TBX5: variants seen among roughly 807,000 people sequenced by gnomAD.
TBX5 encodes the protein T-box transcription factor TBX5.
TBX5 carries 8 observed loss-of-function variants against 51.1 expected under a neutral mutation model. That is an observed-to-expected ratio of 0.16 (90% CI 0.09 to 0.28). The LOEUF is 0.28. TBX5 is among the 10% of genes least tolerant of loss of function. The pLI is 1.00. For missense variants in TBX5, 589 were observed against 671.7 expected, an observed-to-expected ratio of 0.88 and a Z score of 1.36; for synonymous variants, 302 against 266.4, an observed-to-expected ratio of 1.13 and a Z score of -1.30.
intron 7 of TBX5, among the ~76,000 whole-genome samples, chr12:114,383,156 A>T (rs1870606085): frequency 6.6e-6 from 1 of 152,072 alleles, no homozygotes; most frequent in South Asian, 2.1e-4. Context: ...CCTGGAGGGC[A>T]ACTGGTAAAG....
chr12:114,393,027 C>T lies in TBX5; in HGVS notation c.663+1714G>A, dbSNP rs1405531782. 3.9e-5 allele frequency among the ~76,000 whole-genome samples: 6 copies of T among 152,168 alleles called. No individual in the cohort carries two copies. In the East Asian group the frequency reaches 1.2e-3, roughly 29 times the overall value. On this transcript the variant is annotated intron_variant, in intron 6 of 8. Transcript: ENST00000405440. Reference sequence around the variant, plus strand: ...GTGGCCTGGAAAGGACTGTCTATCACAGCTTGGCCTGTTCACAGACAATCT... The same window carrying T: ...GTGGCCTGGAAAGGACTGTCTATCATAGCTTGGCCTGTTCACAGACAATCT...
At position 114,370,269 on chromosome 12, in the gene TBX5, A is replaced by C. The variant is rs372201176; in HGVS notation, c.756-3878T>G. On this transcript the variant is annotated intron_variant, in intron 7 of 8. Coordinates refer to ENST00000405440, the MANE Select transcript of TBX5 (RefSeq NM_181486.4). Reference sequence around the variant, plus strand: ...AAAAGAAAAGAAAAGAAAAGAAAAGAAAAGAAAAGAAAAGAAAAGAAAGAA... The same window carrying C: ...AAAAGAAAAGAAAAGAAAAGAAAAGCAAAGAAAAGAAAAGAAAAGAAAGAA... 4.7e-3 allele frequency among the ~76,000 whole-genome samples: 333 copies of C among 70,288 alleles called. 4 individuals carry two copies. The highest frequency in any genetic ancestry group is 0.016 in the East Asian group (19 of 1,222). The allele number at this position is 70,288 out of a possible 152,430, so 46.1% of individuals were successfully genotyped here. A position where few individuals can be genotyped will look rare whatever the true frequency, so the allele number is the denominator to read the frequency against.
At position 114,406,119 on chromosome 12, in the gene TBX5, G is replaced by C. The variant is rs1872203979; in HGVS notation, c.-530C>G. On this transcript the variant is annotated 5_prime_UTR_variant, in exon 1 of 9. Transcript: ENST00000405440. ...AACTCAGCTGAGCACAGTGACGTTG[G>C]GTTGCCTCGATGCTCACAAAGTACT... 1 of 819,670 alleles carries C rather than the reference G, an allele frequency of 1.2e-6. No homozygotes were observed. The highest frequency in any genetic ancestry group is 1.3e-4 in the East Asian group (1 of 7,984). 50.8% of individuals were successfully genotyped at this position (819,670 alleles called of 1,614,324 possible). A position where few individuals can be genotyped will look rare whatever the true frequency, so the allele number is the denominator to read the frequency against.
intron 8 of TBX5, 123 bp downstream of exon 8, chr12:114,366,042 G>T: frequency 3.6e-6 from 4 of 1,106,138 alleles, no homozygotes; most frequent in Non-Finnish European, 5.5e-6. Context: ...ATATATTTTT[G>T]TGTTGTTTAC....
rs750350579 is a variant in TBX5 at position 114,356,105 on chromosome 12, C to T, written c.984G>A (p.Glu328=). The T allele has an allele frequency of 2.5e-6, 4 of 1,609,670 alleles. No homozygotes were observed. In the South Asian group the frequency reaches 3.3e-5, roughly 13 times the overall value. Residue 328 remains glutamate, a splice_region_variant and synonymous_variant, in exon 9 of 9, where the codon GAG becomes GAA. Coordinates refer to ENST00000405440, the MANE Select transcript of TBX5 (RefSeq NM_181486.4). ...SQIYHCTKRK[E]EECSTTDHPY... is the part of the protein sequence containing the mutation. Reference sequence around the variant, plus strand: ...GATGGTCTGTGGTGGAACATTCTTCCTCTGTGAAGACAGGAGAGACAGCAG... The same window carrying T: ...GATGGTCTGTGGTGGAACATTCTTCTTCTGTGAAGACAGGAGAGACAGCAG...
At position 114,398,667 on chromosome 12, in the gene TBX5, G is replaced by A; in HGVS notation, c.416C>T (p.Pro139Leu). ...PAMPGRLYVH[P>L]DSPATGAHWM... ...ATGCGCCCCGGTGGCGGGGGAGTCT[G>A]GGTGCACGTACAGGCGGCCAGGCAT... The change falls in exon 5 of 9, where the codon CCA becomes CTA. Residue 139 changes from proline to leucine, a missense_variant. Coordinates refer to ENST00000405440, the MANE Select transcript of TBX5 (RefSeq NM_181486.4). 1 of 1,613,064 alleles carries A rather than the reference G, an allele frequency of 6.2e-7. No homozygotes were observed. Among genetic ancestry groups the A allele is most frequent in the Non-Finnish European group, 8.5e-7 (1 of 1,179,652 alleles).
chr12:114,386,030 A>T (rs1457229735), intron 6 of TBX5, among the ~76,000 whole-genome samples: 1 of 152,178 alleles, frequency 6.6e-6, no homozygotes, highest in African/African-American at 2.4e-5. Context: ...TGATTATTGC[A>T]TTCAAAAATT....
At chr12:114,401,267 T>G (rs1871795287) in intron 3 of TBX5, among the ~76,000 whole-genome samples, 1 of 152,186 alleles carries the variant, frequency 6.6e-6, no homozygotes, top group African/African-American at 2.4e-5. Flanking sequence ...GAGCCCCGGT[T>G]CAGTTTTAAA....
chr12:114,401,177 C>A (rs1871789283), intron 3 of TBX5, among the ~76,000 whole-genome samples: 1 of 152,184 alleles, frequency 6.6e-6, no homozygotes, highest in African/African-American at 2.4e-5. Flanking sequence ...TAAAACTCTG[C>A]GAGCTTTTAA....
At chr12:114,407,134 G>C, upstream of TBX5, 1 of 984,390 alleles carries the variant, frequency 1.0e-6, no homozygotes, top group Non-Finnish European at 1.2e-6. Context: ...TGACTGCTCT[G>C]CTAAAATCCC....
intron 4 of TBX5, 90 bp downstream of exon 4, chr12:114,399,423 A>AG: frequency 6.3e-7 from 1 of 1,599,948 alleles, no homozygotes; most frequent in Admixed American, 1.7e-5. Flanking sequence ...CTAAAAAAAA[A>AG]AAAAAAGTTC....
intron 5 of TBX5, among the ~76,000 whole-genome samples, chr12:114,396,452 C>T (rs1431128082): frequency 6.6e-6 from 1 of 152,124 alleles, no homozygotes. Context: ...ATTAAAAGTC[C>T]GGAGTCTCGG....
At chr12:114,398,450 A>C in intron 5 of TBX5, 123 bp downstream of exon 5, 1 of 1,397,274 alleles carries the variant, frequency 7.2e-7, no homozygotes, top group South Asian at 1.2e-5. Context: ...AAGTGGGGGA[A>C]AATGGAGGAA....
intron 8 of TBX5, among the ~76,000 whole-genome samples, chr12:114,358,598 C>G (rs1454351215): frequency 6.6e-6 from 1 of 152,016 alleles, no homozygotes; most frequent in African/African-American, 2.4e-5. Flanking sequence ...CCACTAGACT[C>G]TTTCTGGGCC....
chr12:114,370,258 G>T (rs1258212727), intron 7 of TBX5, among the ~76,000 whole-genome samples: 1 of 96,044 alleles, frequency 1.0e-5, no homozygotes, highest in South Asian at 3.6e-4. Flanking sequence ...GAAAAGAAAA[G>T]AAAAGAAAAG....
intron 6 of TBX5, among the ~76,000 whole-genome samples, chr12:114,388,780 C>T (rs1390089827): frequency 7.7e-6 from 1 of 129,680 alleles, no homozygotes; most frequent in Non-Finnish European, 1.6e-5. Flanking sequence ...GACAGAGTCT[C>T]ACTATGTTGC....
chr12:114,399,663 G>A, intron 3 of TBX5, 31 bp from the exon 4 acceptor site: 5 of 1,614,094 alleles, frequency 3.1e-6, no homozygotes, highest in Non-Finnish European at 4.2e-6. Flanking sequence ...GAGAGAGGGG[G>A]GCGGGAATTA....
chr12:114,373,218 C>A (rs1209464036), intron 7 of TBX5, among the ~76,000 whole-genome samples: 1 of 152,086 alleles, frequency 6.6e-6, no homozygotes, highest in Non-Finnish European at 1.5e-5. Flanking sequence ...ATTCAAAAAA[C>A]GGTTTTGACT....
At chr12:114,373,413 ACT>A (rs1870025732) in intron 7 of TBX5, among the ~76,000 whole-genome samples, 1 of 152,196 alleles carries the variant, frequency 6.6e-6, no homozygotes, top group Non-Finnish European at 1.5e-5. Flanking sequence ...TTCAAGCTAA[ACT>A]TTGTAAAACT....
Sources: allele counts gnomAD v4.1 joint callset (sites outside exome capture counted in the v4.1 genomes callset), GRCh38; gene constraint gnomAD v4.1.1; transcripts MANE v1.5; gene names NCBI Gene and HGNC (gene_info 2026-07-23, HGNC 2026-07-21).